The following RPS6KC1 variants were observed in gnomAD, a reference collection of about 807,000 sequenced individuals.
The protein encoded by RPS6KC1 is ribosomal protein S6 kinase C1.
Under a neutral mutation model 103.8 loss-of-function variants are expected in RPS6KC1, and 54 were observed. The ratio of observed to expected loss-of-function variants is 0.52; its 90% CI spans 0.42 to 0.65. The LOEUF (loss-of-function observed/expected upper bound fraction) is 0.65. Among genes scored for constraint, RPS6KC1 ranks in the 30% least tolerant of loss-of-function variants. The pLI is 0.00. For missense variants in RPS6KC1, 1,151 were observed against 1,253.8 expected (o/e 0.92, Z 1.24); for synonymous variants, 439 against 438.7 (o/e 1.00, Z -0.01).
chr1:213,202,828 G>T (rs1558528881), intron 8 of RPS6KC1, among the ~76,000 whole-genome samples: 1 of 151,974 alleles, frequency 6.6e-6, no homozygotes, highest in Non-Finnish European at 1.5e-5. Flanking sequence ...TGTATTTATT[G>T]ATTAAAAAAT....
the RPS6KC1 span, among the ~76,000 whole-genome samples, chr1:213,635,051 A>C: frequency 6.6e-6 from 1 of 152,150 alleles, no homozygotes; most frequent in Non-Finnish European, 1.5e-5. Context: ...GGACACATAC[A>C]CCCTCCCAAA....
chr1:213,597,187 T>G, the RPS6KC1 span, among the ~76,000 whole-genome samples: 7 of 152,252 alleles, frequency 4.6e-5, no homozygotes. Flanking sequence ...CTTTTAGGTT[T>G]AAAGGGTTCT....
the RPS6KC1 span, among the ~76,000 whole-genome samples, chr1:213,312,166 G>T: frequency 6.6e-6 from 1 of 152,080 alleles, no homozygotes; most frequent in East Asian, 1.9e-4. Flanking sequence ...AAAGTGCTGG[G>T]ATTACAGGAG....
At chr1:213,240,324 C>T (rs1195613232) in intron 10 of RPS6KC1, among the ~76,000 whole-genome samples, 5 of 151,918 alleles carry the variant, frequency 3.3e-5, no homozygotes, top group African/African-American at 4.8e-5. Flanking sequence ...AGGGGCCATG[C>T]GTGAAAAAAT....
chr1:213,197,500 C>T (rs1179374419), intron 8 of RPS6KC1, among the ~76,000 whole-genome samples: 1 of 151,720 alleles, frequency 6.6e-6, no homozygotes, highest in African/African-American at 2.4e-5. Flanking sequence ...GATCTTTCAC[C>T]TCCTTGGTTA....
chr1:213,822,479 A>T, the RPS6KC1 span: 1 of 151,992 alleles, frequency 6.6e-6, no homozygotes, highest in Non-Finnish European at 1.5e-5. Context: ...CTAATGCTAT[A>T]TAGGATAAGT....
At chr1:213,177,010 G>A (rs1410365234) in intron 8 of RPS6KC1, among the ~76,000 whole-genome samples, 1 of 152,162 alleles carries the variant, frequency 6.6e-6, no homozygotes, top group Non-Finnish European at 1.5e-5. Context: ...AAGTCACATA[G>A]CTAATTTAGG....
chr1:213,678,841 C>CTG, the RPS6KC1 span, among the ~76,000 whole-genome samples: 1 of 152,168 alleles, frequency 6.6e-6, no homozygotes, highest in African/African-American at 2.4e-5. Context: ...GATGTGAAAA[C>CTG]TTGCTGGCTG....
chr1:213,328,525 TATATATATATATATATCA>T, the RPS6KC1 span, among the ~76,000 whole-genome samples: 3 of 136,942 alleles, frequency 2.2e-5, no homozygotes, highest in Non-Finnish European at 4.7e-5. Flanking sequence ...TATATATATA[TATATATATATATATATCA>T]CACACACACG....
At chr1:213,212,224 C>G (rs1485409123) in intron 8 of RPS6KC1, among the ~76,000 whole-genome samples, 1 of 152,122 alleles carries the variant, frequency 6.6e-6, no homozygotes, top group Non-Finnish European at 1.5e-5. Flanking sequence ...AATCTCTGTG[C>G]TCTGCCTGTT....
At chr1:213,637,003 A>C in the RPS6KC1 span, among the ~76,000 whole-genome samples, 3 of 152,242 alleles carry the variant, frequency 2.0e-5, no homozygotes, top group African/African-American at 4.8e-5. Context: ...GTCAACAGAC[A>C]CATGAAAGAA....
chr1:213,174,670 C>CAAA (rs370278907), intron 7 of RPS6KC1, among the ~76,000 whole-genome samples: 31 of 43,078 alleles, frequency 7.2e-4, no homozygotes, highest in East Asian at 1.2e-3. Context: ...AACTCCATCT[C>CAAA]AAAAAAAAAA....
the RPS6KC1 span, among the ~76,000 whole-genome samples, chr1:213,675,303 G>A: frequency 6.1e-4 from 93 of 152,316 alleles, no homozygotes; most frequent in African/African-American, 2.2e-3. Context: ...CTCCTAGCTA[G>A]TAGAGCCCTT....
chr1:213,531,367 T>A, the RPS6KC1 span, among the ~76,000 whole-genome samples: 1 of 152,204 alleles, frequency 6.6e-6, no homozygotes, highest in Non-Finnish European at 1.5e-5. Flanking sequence ...GAGGAAACTT[T>A]AATGTGACAA....
At chr1:213,650,467 C>G in the RPS6KC1 span, among the ~76,000 whole-genome samples, 1 of 152,180 alleles carries the variant, frequency 6.6e-6, no homozygotes, top group African/African-American at 2.4e-5. Flanking sequence ...CACAAGCTCC[C>G]TCCCTCATTT....
chr1:213,073,686 T>G (rs2148488598), intron 2 of RPS6KC1, among the ~76,000 whole-genome samples: 1 of 152,180 alleles, frequency 6.6e-6, no homozygotes, highest in African/African-American at 2.4e-5. Flanking sequence ...ATTATTTATT[T>G]ATTTCTTGAG....
the RPS6KC1 span, among the ~76,000 whole-genome samples, chr1:213,628,372 G>C: frequency 1.3e-5 from 2 of 152,180 alleles, no homozygotes; most frequent in Non-Finnish European, 1.5e-5. Flanking sequence ...CAAAAAACCA[G>C]CTCCTGGATT....
chr1:213,764,963 G>A, the RPS6KC1 span, among the ~76,000 whole-genome samples: 3 of 152,160 alleles, frequency 2.0e-5, no homozygotes, highest in Admixed American at 2.0e-4. Context: ...CAGGGGTGGG[G>A]TGTCTCTCTC....
the RPS6KC1 span, among the ~76,000 whole-genome samples, chr1:213,694,330 CCT>C: frequency 6.6e-6 from 1 of 152,074 alleles, no homozygotes; most frequent in East Asian, 1.9e-4. Flanking sequence ...GTCCTTTTTT[CCT>C]CTCTCTATTT....
Sources: gnomAD v4.1 joint callset for allele counts (sites outside exome capture counted in the v4.1 genomes callset) on GRCh38, gnomAD v4.1.1 for gene constraint, MANE v1.5 for transcripts, NCBI Gene and HGNC (gene_info 2026-07-23, HGNC 2026-07-21) for gene names.